MGAT4C: variants seen among roughly 807,000 people sequenced by gnomAD.
MGAT4C encodes MGAT4 family member C, also known as alpha-1,3-mannosyl-glycoprotein 4-beta-N-acetylglucosaminyltransferase C.
MGAT4C carries 19 observed loss-of-function variants against 40.1 expected under a neutral mutation model. That is an observed-to-expected ratio of 0.47 (90% CI 0.33 to 0.70). The LOEUF is 0.70. Among genes scored for constraint, MGAT4C ranks in the 30% least tolerant of loss-of-function variants. The probability of loss-of-function intolerance (pLI) is 0.02; values close to 1 mark genes in which losing one functional copy is unlikely to be tolerated. For synonymous variants in MGAT4C, 181 were observed against 187.1 expected, an observed-to-expected ratio of 0.97 and a Z score of 0.27; for missense variants, 491 against 563.2, an observed-to-expected ratio of 0.87 and a Z score of 1.30.
chr12:86,622,602 A>G (rs1962674846), intron 2 of MGAT4C, among the ~76,000 whole-genome samples: 1 of 152,184 alleles, frequency 6.6e-6, no homozygotes, highest in Non-Finnish European at 1.5e-5. Flanking sequence ...TACCAGCACC[A>G]TGTAACAAAC....
chr12:86,414,052 A>T (rs966139556), intron 3 of MGAT4C, among the ~76,000 whole-genome samples: 1 of 152,180 alleles, frequency 6.6e-6, no homozygotes, highest in Non-Finnish European at 1.5e-5. Context: ...TTGCTCCAGA[A>T]AAATGCTTAC....
intron 1 of MGAT4C, among the ~76,000 whole-genome samples, chr12:86,156,821 C>T (rs1474060762): frequency 6.6e-6 from 1 of 152,080 alleles, no homozygotes; most frequent in Non-Finnish European, 1.5e-5. Context: ...TGTTAGAAAG[C>T]AAATGCAGCC....
At chr12:86,525,126 T>A (rs990800004) in intron 2 of MGAT4C, among the ~76,000 whole-genome samples, 2 of 152,186 alleles carry the variant, frequency 1.3e-5, no homozygotes, top group African/African-American at 4.8e-5. Flanking sequence ...TGAATTGTAA[T>A]CTCCACATGT....
At chr12:86,362,016 G>T (rs888082243) in intron 3 of MGAT4C, among the ~76,000 whole-genome samples, 1 of 152,196 alleles carries the variant, frequency 6.6e-6, no homozygotes, top group Non-Finnish European at 1.5e-5. Context: ...AAACCATGCT[G>T]CTATAAAGAC....
chr12:86,011,949 G>A (rs1888502606), intron 2 of MGAT4C: 1 of 741,988 alleles, frequency 1.3e-6, no homozygotes, highest in East Asian at 1.2e-4. Flanking sequence ...TTGAGCAGGA[G>A]ATCTTGGTTC....
chr12:86,782,008 T>A (rs547730117), intron 1 of MGAT4C, among the ~76,000 whole-genome samples: 8 of 152,158 alleles, frequency 5.3e-5, no homozygotes, highest in South Asian at 4.1e-4. Flanking sequence ...TTATTTATTT[T>A]TTGAGATGGC....
At chr12:86,662,000 T>C (rs1038975433) in intron 2 of MGAT4C, among the ~76,000 whole-genome samples, 1 of 152,172 alleles carries the variant, frequency 6.6e-6, no homozygotes, top group African/African-American at 2.4e-5. Context: ...CTCTTCTGTA[T>C]ATTTAGTTTC....
At chr12:86,668,016 C>G (rs1356277773) in intron 2 of MGAT4C, among the ~76,000 whole-genome samples, 1 of 152,208 alleles carries the variant, frequency 6.6e-6, no homozygotes, top group Non-Finnish European at 1.5e-5. Flanking sequence ...ATTCTTTTGA[C>G]ACAATAGCCT....
intron 2 of MGAT4C, among the ~76,000 whole-genome samples, chr12:86,705,391 C>T (rs906351082): frequency 2.4e-4 from 37 of 152,078 alleles, no homozygotes; most frequent in African/African-American, 7.7e-4. Flanking sequence ...CTTCATGATG[C>T]ACACTACTAA....
At chr12:86,088,461 AT>A (rs1289238530) in intron 1 of MGAT4C, among the ~76,000 whole-genome samples, 1 of 151,994 alleles carries the variant, frequency 6.6e-6, no homozygotes, top group African/African-American at 2.4e-5. Flanking sequence ...AAAATATTAT[AT>A]TTGCGAACTA....
intron 1 of MGAT4C, among the ~76,000 whole-genome samples, chr12:86,734,664 G>A (rs775879064): frequency 1.1e-4 from 16 of 152,056 alleles, no homozygotes; most frequent in Non-Finnish European, 2.1e-4. Context: ...GAAGACCACC[G>A]TCTACAAATC....
At chr12:86,665,530 C>T (rs1341879324) in intron 2 of MGAT4C, among the ~76,000 whole-genome samples, 1 of 151,988 alleles carries the variant, frequency 6.6e-6, no homozygotes, top group East Asian at 1.9e-4. Context: ...GTGCCCGCCA[C>T]CATGCCCAGC....
At chr12:86,585,822 G>A (rs1961003706) in intron 2 of MGAT4C, among the ~76,000 whole-genome samples, 1 of 149,440 alleles carries the variant, frequency 6.7e-6, no homozygotes, top group Admixed American at 6.7e-5. Flanking sequence ...TGCAGCTTGA[G>A]GAAGAGCTGA....
chr12:86,808,218 C>T (rs142211534), intron 1 of MGAT4C, among the ~76,000 whole-genome samples: 44 of 152,122 alleles, frequency 2.9e-4, no homozygotes, highest in African/African-American at 1.0e-3. Flanking sequence ...AGCAGACATC[C>T]GTCCTTCTGA....
intron 1 of MGAT4C, among the ~76,000 whole-genome samples, chr12:86,161,812 A>G (rs1885619811): frequency 6.6e-6 from 1 of 152,186 alleles, no homozygotes; most frequent in African/African-American, 2.4e-5. Context: ...CAAGCAAAGA[A>G]TAACCTCATT....
intron 2 of MGAT4C, among the ~76,000 whole-genome samples, chr12:86,452,960 C>T (rs955680496): frequency 6.6e-6 from 1 of 152,110 alleles, no homozygotes; most frequent in Admixed American, 6.6e-5. Flanking sequence ...TCCTCCAATC[C>T]TTAATTGCAT....
chr12:86,443,205 TACACACAC>T (rs199586329), intron 2 of MGAT4C, among the ~76,000 whole-genome samples: 2 of 150,308 alleles, frequency 1.3e-5, no homozygotes, highest in African/African-American at 4.9e-5. Context: ...TGTATATATA[TACACACAC>T]ACACACACAT....
chr12:86,688,279 T>C, intron 2 of MGAT4C, among the ~76,000 whole-genome samples: 1 of 149,646 alleles, frequency 6.7e-6, no homozygotes, highest in East Asian at 2.1e-4. Flanking sequence ...AGCACACCGA[T>C]GGGTCTTGTC....
chr12:86,410,282 G>A (rs1956577190), intron 3 of MGAT4C, among the ~76,000 whole-genome samples: 1 of 152,064 alleles, frequency 6.6e-6, no homozygotes. Flanking sequence ...CAGGAGACCA[G>A]GGCATAATTC....
Sources: gnomAD v4.1 joint callset for allele counts (sites outside exome capture counted in the v4.1 genomes callset) on GRCh38, gnomAD v4.1.1 for gene constraint, MANE v1.5 for transcripts, NCBI Gene and HGNC (gene_info 2026-07-23, HGNC 2026-07-21) for gene names.